The following IFT25 variants were observed in gnomAD, a reference collection of about 807,000 sequenced individuals.
The protein encoded by IFT25 is intraflagellar transport protein 25 homolog.
chr1:53,918,844 TTTC>T, the IFT25 span, among the ~76,000 whole-genome samples: 1 of 152,168 alleles, frequency 6.6e-6, no homozygotes, highest in East Asian at 1.9e-4. Flanking sequence ...CAGCCCATTT[TTTC>T]TTTTTTTTGA....
the IFT25 span, among the ~76,000 whole-genome samples, chr1:53,922,255 G>T: frequency 6.6e-6 from 1 of 152,104 alleles, no homozygotes; most frequent in Non-Finnish European, 1.5e-5. Context: ...TTAGCTGGGC[G>T]TGGTGGCACG....
the IFT25 span, chr1:53,923,707 C>G: frequency 2.1e-6 from 1 of 483,336 alleles, no homozygotes; most frequent in Non-Finnish European, 3.6e-6. Context: ...CCGTCACTCT[C>G]TATGAAAGGT....
At chr1:53,939,283 C>T in the IFT25 span, among the ~76,000 whole-genome samples, 1 of 150,256 alleles carries the variant, frequency 6.7e-6, no homozygotes, top group African/African-American at 2.5e-5. Flanking sequence ...CCCAGCTACT[C>T]AAGAGGCTGA....
chr1:53,939,618 G>C, the IFT25 span: 5 of 224,144 alleles, frequency 2.2e-5, no homozygotes, highest in African/African-American at 1.2e-4. Flanking sequence ...TAAGGAAATA[G>C]GTAGTAAATA....
At chr1:53,941,606 T>G in the IFT25 span, among the ~76,000 whole-genome samples, 1 of 152,230 alleles carries the variant, frequency 6.6e-6, no homozygotes, top group Non-Finnish European at 1.5e-5. Flanking sequence ...CCAGTCAGTG[T>G]GGGATGAACA....
the IFT25 span, among the ~76,000 whole-genome samples, chr1:53,933,400 C>A: frequency 6.6e-6 from 1 of 152,190 alleles, no homozygotes; most frequent in Non-Finnish European, 1.5e-5. Context: ...TCCCAAAGTG[C>A]TGGGATTGCA....
chr1:53,927,450 G>GT, the IFT25 span, among the ~76,000 whole-genome samples: 1 of 152,088 alleles, frequency 6.6e-6, no homozygotes, highest in Admixed American at 6.5e-5. Flanking sequence ...CACTAGTATC[G>GT]TATTTTCAAC....
chr1:53,918,872 CTT>C, the IFT25 span, among the ~76,000 whole-genome samples: 1 of 152,108 alleles, frequency 6.6e-6, no homozygotes, highest in African/African-American at 2.4e-5. Flanking sequence ...TAGTTTCACT[CTT>C]GTTGTCCAGG....
chr1:53,928,333 A>T, the IFT25 span: 1 of 1,427,398 alleles, frequency 7.0e-7, no homozygotes, highest in Non-Finnish European at 9.9e-7. Context: ...AATATTATCT[A>T]CTCCTTCATG....
At chr1:53,914,502 T>C in the IFT25 span, among the ~76,000 whole-genome samples, 1 of 152,040 alleles carries the variant, frequency 6.6e-6, no homozygotes, top group African/African-American at 2.4e-5. Flanking sequence ...TCATATCCCA[T>C]TATAAAATGA....
At chr1:53,930,180 C>A in the IFT25 span, 2 of 1,517,918 alleles carry the variant, frequency 1.3e-6, no homozygotes, top group South Asian at 1.3e-5. Context: ...TAAGAATAGC[C>A]AAATATAAAT....
the IFT25 span, among the ~76,000 whole-genome samples, chr1:53,934,507 GT>G: frequency 3.3e-5 from 5 of 152,074 alleles, no homozygotes; most frequent in Non-Finnish European, 7.3e-5. Context: ...GGCTTGCTGA[GT>G]TTTTTGGGTC....
the IFT25 span, among the ~76,000 whole-genome samples, chr1:53,945,039 G>A: frequency 2.6e-4 from 39 of 152,128 alleles, no homozygotes; most frequent in Non-Finnish European, 4.4e-4. Flanking sequence ...CCCGGCCTAA[G>A]GCTTCTGTCT....
chr1:53,916,695 G>T, the IFT25 span: 3 of 323,700 alleles, frequency 9.3e-6, no homozygotes, highest in South Asian at 1.6e-4. Flanking sequence ...TAGCCGTAAT[G>T]TTCAGTTTTA....
the IFT25 span, among the ~76,000 whole-genome samples, chr1:53,934,574 A>C: frequency 3.3e-5 from 5 of 152,238 alleles, no homozygotes; most frequent in East Asian, 9.6e-4. Flanking sequence ...AAGTAGAAAC[A>C]ACCCAGATGT....
At chr1:53,921,007 T>C in the IFT25 span, among the ~76,000 whole-genome samples, 1 of 152,040 alleles carries the variant, frequency 6.6e-6, no homozygotes, top group African/African-American at 2.4e-5. Context: ...ACCCCTTCTC[T>C]ACAAAAAATA....
the IFT25 span, among the ~76,000 whole-genome samples, chr1:53,912,264 A>G: frequency 3.1e-3 from 475 of 152,322 alleles, 5 homozygotes; most frequent in African/African-American, 0.011. Context: ...AGTAGCTGGA[A>G]CTGAGGAGCT....
At chr1:53,914,339 T>A in the IFT25 span, among the ~76,000 whole-genome samples, 2 of 152,224 alleles carry the variant, frequency 1.3e-5, no homozygotes, top group Admixed American at 1.3e-4. Context: ...TTATAGCTGC[T>A]TCCTTGAAGA....
chr1:53,937,545 C>T, the IFT25 span, among the ~76,000 whole-genome samples: 1 of 152,120 alleles, frequency 6.6e-6, no homozygotes. Context: ...CATGTTTTCC[C>T]GTACTAACAG....
Sources: gnomAD v4.1 joint callset for allele counts (sites outside exome capture counted in the v4.1 genomes callset) on GRCh38, gnomAD v4.1.1 for gene constraint, MANE v1.5 for transcripts, NCBI Gene and HGNC (gene_info 2026-07-23, HGNC 2026-07-21) for gene names.